Variants in APRT observed in about 807,000 individuals in gnomAD.
APRT encodes adenine phosphoribosyltransferase.
A neutral mutation model predicts 21.0 loss-of-function variants in APRT; 25 were observed. The observed-to-expected ratio is 1.19, with a 90% CI of 0.87 to 1.66. The LOEUF (loss-of-function observed/expected upper bound fraction) is 1.66. Ranked by LOEUF, APRT falls within the 40% of genes most tolerant of loss-of-function variation. The pLI, the probability that APRT is intolerant of heterozygous loss-of-function variation, is 0.00. For synonymous variants in APRT, 153 were observed against 109.0 expected, an observed-to-expected ratio of 1.40 and a Z score of -2.52; for missense variants, 294 against 232.7, an observed-to-expected ratio of 1.26 and a Z score of -1.72.
At chr16:88,810,329 C>T in intron 3 of APRT, 94 bp downstream of exon 3, 1 of 1,566,774 alleles carries the variant, frequency 6.4e-7, no homozygotes, top group Non-Finnish European at 8.7e-7. Flanking sequence ...ACAGCAGCTC[C>T]ACTTGACACG....
In APRT at chr16:88,810,449, C is replaced by T. The variant is rs1909079375; in HGVS notation, c.295G>A (p.Ala99Thr). The T allele has an allele frequency of 1.2e-6, 2 of 1,612,048 alleles. No homozygotes were observed. The highest frequency in any genetic ancestry group is 2.2e-5 in the East Asian group (1 of 44,888). Reference protein sequence around the residue: ...RGKLPGPTLWASYSLEYGKAE... With the variant: ...RGKLPGPTLWTSYSLEYGKAE... Reference sequence around the variant, plus strand: ...TTCCCGTACTCCAGGGAATAGGAGGCCCACAGAGTGGGGCCTGGCAGCTTC... The same window carrying T: ...TTCCCGTACTCCAGGGAATAGGAGGTCCACAGAGTGGGGCCTGGCAGCTTC... Residue 99 changes from alanine (A) to threonine (T), a missense_variant, in exon 3 of 5, where the codon GCC becomes ACC. By Grantham distance (58) the Ala-to-Thr change is moderately conservative. Transcript: ENST00000378364.
rs1264298675 is a variant in APRT at position 88,811,923 on chromosome 16, C to T, written c.-24G>A. 19 of 1,535,878 alleles carry T rather than the reference C, an allele frequency of 1.2e-5. No homozygotes were observed. The highest frequency in any genetic ancestry group is 2.8e-5 in the African/African-American group (2 of 72,378). ...ATGGCCGCGTGCGAAGAGCCAGCGGCAGCCCGAGCGCGCCTGCGCGGGGAC... is the reference window on the plus strand; with the variant it reads ...ATGGCCGCGTGCGAAGAGCCAGCGGTAGCCCGAGCGCGCCTGCGCGGGGAC... On this transcript the variant is annotated 5_prime_UTR_variant, in exon 1 of 5. Transcript: ENST00000378364.
intron 4 of APRT, 99 bp downstream of exon 4, chr16:88,809,971 G>A: frequency 1.9e-6 from 3 of 1,565,926 alleles, no homozygotes; most frequent in Non-Finnish European, 1.7e-6. Context: ...GGCACCCTCT[G>A]GACAACAGTA....
In APRT at chr16:88,810,491, G is replaced by T. The variant is rs986738473; in HGVS notation, c.253C>A (p.Leu85Ile). 5 of 1,612,402 alleles carry T rather than the reference G, an allele frequency of 3.1e-6. No individual in the cohort carries two copies. The highest frequency in any genetic ancestry group is 4.2e-6 in the Non-Finnish European group (5 of 1,179,962). Residue 85 changes from leucine (L) to isoleucine (I), a missense_variant, in exon 3 of 5, where the codon CTC becomes ATC. By Grantham distance (5) the Leu-to-Ile change is conservative. Transcript: ENST00000378364. Reference sequence around the variant, plus strand: ...GGCAGCTTCCCCCGCTTTCGGATGAGCACGCAGCCCAGTCCAAGCTCCTGG... The same window carrying T: ...GGCAGCTTCCCCCGCTTTCGGATGATCACGCAGCCCAGTCCAAGCTCCTGG... ...LAQELGLGCVLIRKRGKLPGP... is the reference protein window; with the variant it reads ...LAQELGLGCVIIRKRGKLPGP...
rs368375344 is a variant in APRT, at chr16:88,810,145, C to T, written c.325G>A (p.Glu109Lys). The T allele has an allele frequency of 1.9e-6, 3 of 1,612,926 alleles. No homozygotes were observed. The highest frequency in any genetic ancestry group is 8.5e-7 in the Non-Finnish European group (1 of 1,179,962). ...AGGGCGTCTTTCTGAATCTCCAGCT[C>T]AGCCTGGAGTGGGAAGTGGTGTGTG... ...ASYSLEYGKA[E>K]LEIQKDALEP... Residue 109 changes from glutamate to lysine, a missense_variant, in exon 4 of 5, where the codon GAG becomes AAG. Coordinates refer to ENST00000378364, the MANE Select transcript of APRT (RefSeq NM_000485.3).
At chr16:88,810,024 A>C (rs1909052530) in intron 4 of APRT, 46 bp downstream of exon 4, 2 of 1,603,756 alleles carry the variant, frequency 1.2e-6, no homozygotes, top group Admixed American at 1.7e-5. Flanking sequence ...TCCCACTCCC[A>C]CCAGGCCCTT....
chr16:88,811,725 G>C, intron 1 of APRT, 69 bp from the exon 2 acceptor site: 1 of 1,501,572 alleles, frequency 6.7e-7, no homozygotes, highest in South Asian at 1.3e-5. Context: ...CGAAAGACGA[G>C]GGTTCCCGCC....
chr16:88,809,972 G>A, intron 4 of APRT, 98 bp downstream of exon 4: 1 of 1,567,594 alleles, frequency 6.4e-7, no homozygotes, highest in African/African-American at 1.3e-5. Flanking sequence ...GCACCCTCTG[G>A]ACAACAGTAA....
chr16:88,811,747 G>A, intron 1 of APRT, 73 bp downstream of exon 1: 2 of 1,504,192 alleles, frequency 1.3e-6, no homozygotes, highest in Non-Finnish European at 1.8e-6. Flanking sequence ...CGCCCGCCCG[G>A]AGGTCGCGGG....
chr16:88,810,551 C>G lies in APRT; in HGVS notation c.193G>C (p.Asp65His), dbSNP rs1177957302. Reference sequence around the variant, plus strand: ...GGGCCAAAGAGGAAGCCTCGGGAGTCTAGGCCTGTCAGGGTAAGTGACAGG... The same window carrying G: ...GGGCCAAAGAGGAAGCCTCGGGAGTGTAGGCCTGTCAGGGTAAGTGACAGG... ...GGRIDYIAGL[D>H]SRGFLFGPSL... Residue 65 changes from aspartate to histidine, a missense_variant, in exon 3 of 5, where the codon GAC becomes CAC. Transcript: ENST00000378364. 2 of 1,611,398 alleles carry G rather than the reference C, an allele frequency of 1.2e-6. No homozygotes were observed. The highest frequency in any genetic ancestry group is 2.2e-5 in the South Asian group (2 of 90,834).
intron 2 of APRT, 129 bp from the exon 3 acceptor site, chr16:88,810,685 T>C: frequency 4.8e-6 from 6 of 1,257,992 alleles, no homozygotes; most frequent in Non-Finnish European, 6.6e-6. Context: ...TTAAGGAATG[T>C]TACCCATCAC....
At chr16:88,810,259 C>T (rs1219721905) in intron 3 of APRT, 111 bp from the exon 4 acceptor site, 3 of 1,495,670 alleles carry the variant, frequency 2.0e-6, no homozygotes, top group Non-Finnish European at 2.8e-6. Flanking sequence ...TTGCTGTTAC[C>T]TGGCTGTGTG....
intron 2 of APRT, chr16:88,811,283 A>G (rs528343559): frequency 1.8e-6 from 1 of 543,350 alleles, no homozygotes; most frequent in East Asian, 3.2e-5. Flanking sequence ...CAGCTTGGGC[A>G]CTCCAGGGAG....
Position 88,810,104 on chromosome 16 carries a change from C to A in APRT, c.366G>T (p.Arg122Ser), listed in dbSNP as rs542789654. The change falls in exon 4 of 5, where the codon AGG (arginine) becomes AGT (serine). Residue 122 changes from arginine to serine, a missense_variant. Physicochemically the swap from Arg to Ser is moderately radical, Grantham distance 110. Coordinates refer to ENST00000378364, the MANE Select transcript of APRT (RefSeq NM_000485.3). Reference protein sequence around the residue: ...IQKDALEPGQRVVVVDDLLAT... With the variant: ...IQKDALEPGQSVVVVDDLLAT... ...CCAGCAGATCATCCACGACGACCAC[C>A]CTCTGTCCTGGCTCCAGGGCGTCTT... is the stretch of plus-strand genomic sequence containing the variant. 6.2e-7 allele frequency: 1 copy of A among 1,613,304 alleles called. No homozygotes were observed. The highest frequency in any genetic ancestry group is 8.5e-7 in the Non-Finnish European group (1 of 1,179,994).
chr16:88,811,686 G>A (rs756132032), intron 1 of APRT, 30 bp from the exon 2 acceptor site: 2 of 1,537,188 alleles, frequency 1.3e-6, no homozygotes, highest in Non-Finnish European at 8.8e-7. Context: ...TGGTGACGCC[G>A]GGGCCGAAGG....
Position 88,811,854 on chromosome 16 carries a change from A to G in APRT, c.46T>C (p.Phe16Leu). The G allele has an allele frequency of 6.4e-7, 1 of 1,573,040 alleles. No homozygotes were observed. The highest frequency in any genetic ancestry group is 8.6e-7 in the Non-Finnish European group (1 of 1,161,244). Residue 16 changes from phenylalanine to leucine, a missense_variant, in exon 1 of 5, where the codon TTC becomes CTC. Phe to Leu is a conservative substitution (Grantham distance 22). Transcript: ENST00000378364. ...ACGCCTGGGGTGGGGAAGTCGGGGA[A>G]GCTGCGGATCCGCTGCTCAACCAGC... is the stretch of plus-strand genomic sequence containing the variant. ...LQLVEQRIRS[F>L]PDFPTPGVVF...
rs1437920638 is a variant in APRT at position 88,810,453 on chromosome 16, CAG to C, written c.289_290del (p.Leu97ValfsTer12). On this transcript the variant is annotated frameshift_variant, in exon 3 of 5. Coordinates refer to ENST00000378364, the MANE Select transcript of APRT (RefSeq NM_000485.3). LOFTEE classifies it high-confidence loss of function. ...RKRGKLPGPT[L>X]WASYSLEYGK... The stretch of plus-strand genomic sequence containing the variant: ...CGTACTCCAGGGAATAGGAGGCCCA[CAG>C]AGTGGGGCCTGGCAGCTTCCCCCGC... The C allele has an allele frequency of 8.1e-6, 13 of 1,612,076 alleles. No homozygotes were observed. The highest frequency in any genetic ancestry group is 1.6e-4 in the Middle Eastern group (1 of 6,082).
At chr16:88,811,061 G>C (rs1446544643) in intron 2 of APRT, 1 of 280,946 alleles carries the variant, frequency 3.6e-6, no homozygotes, top group Non-Finnish European at 6.8e-6. Context: ...GCAGTGTCCA[G>C]GGAGTGGGCT....
chr16:88,810,733 G>A (rs796598476), intron 2 of APRT, among the ~76,000 whole-genome samples, 177 bp from the exon 3 acceptor site: 4 of 152,178 alleles, frequency 2.6e-5, no homozygotes, highest in South Asian at 2.1e-4. Flanking sequence ...TGCAGACCTG[G>A]GTCTGTCTTT....
Sources: allele counts gnomAD v4.1 joint callset (sites outside exome capture counted in the v4.1 genomes callset), GRCh38; gene constraint gnomAD v4.1.1; transcripts MANE v1.5; gene names NCBI Gene and HGNC (gene_info 2026-07-23, HGNC 2026-07-21).